The following CNGB3 variants were observed in gnomAD, a reference collection of about 807,000 sequenced individuals.
CNGB3 encodes cyclic nucleotide-gated channel beta-3.
In CNGB3, 86 loss-of-function variants were observed where a neutral mutation model predicts 92.8. The ratio of observed to expected loss-of-function variants is 0.93; its 90% CI spans 0.78 to 1.11. The LOEUF (loss-of-function observed/expected upper bound fraction) is 1.11, where lower values mean the gene tolerates loss of function less well. CNGB3 is among the 50% of genes least tolerant of loss of function. CNGB3 has a pLI of 0.00. For synonymous variants in CNGB3, 333 were observed against 332.7 expected (o/e 1.00, Z -0.01); for missense variants, 1,026 against 956.8 (o/e 1.07, Z -0.95).
chr8:86,623,787 T>G (rs1822789457), intron 13 of CNGB3, among the ~76,000 whole-genome samples: 1 of 152,248 alleles, frequency 6.6e-6, no homozygotes, highest in South Asian at 2.1e-4. Flanking sequence ...TTTGTTCTTC[T>G]TGTTCCTCAG....
intron 3 of CNGB3, 145 bp from the exon 4 acceptor site, chr8:86,671,243 G>C (rs28407382): frequency 1.5e-5 from 13 of 853,900 alleles, no homozygotes; most frequent in Non-Finnish European, 2.3e-5. Context: ...CAAACATTAG[G>C]TTTAATGGAA....
At chr8:86,676,933 C>T (rs907807953) in intron 3 of CNGB3, among the ~76,000 whole-genome samples, 1 of 152,142 alleles carries the variant, frequency 6.6e-6, no homozygotes, top group Admixed American at 6.6e-5. Flanking sequence ...TAATTTATGT[C>T]TGCCGAGTCT....
At chr8:86,637,487 T>C (rs1395922440) in intron 10 of CNGB3, among the ~76,000 whole-genome samples, 3 of 149,582 alleles carry the variant, frequency 2.0e-5, no homozygotes, top group Non-Finnish European at 4.4e-5. Context: ...TTTCTGTTCC[T>C]GTAAAAAAAT....
intron 15 of CNGB3, among the ~76,000 whole-genome samples, chr8:86,596,628 G>A (rs1173911856): frequency 6.6e-6 from 1 of 152,232 alleles, no homozygotes; most frequent in East Asian, 1.9e-4. Flanking sequence ...GCTGGGGATA[G>A]AGTATAGAAC....
At position 86,628,172 on chromosome 8, in the gene CNGB3, T is replaced by C. The variant is rs114272227; in HGVS notation, c.1480+747A>G. On this transcript the variant is annotated intron_variant, in intron 12 of 17. Transcript: ENST00000320005. The stretch of plus-strand genomic sequence containing the variant: ...GAGTCAAAAGTTATATGTGGATTTC[T>C]TTCTGTTATTTTGAGACAGAATCTG... Among the ~76,000 whole-genome samples, 493 of 152,292 alleles carry C rather than the reference T, an allele frequency of 3.2e-3. 1 individual carries two copies. Among genetic ancestry groups the C allele is most frequent in the African/African-American group, 0.011 (461 of 41,556 alleles).
At chr8:86,727,751 T>C (rs1416209706) in intron 2 of CNGB3, among the ~76,000 whole-genome samples, 6 of 152,168 alleles carry the variant, frequency 3.9e-5, no homozygotes, top group Non-Finnish European at 8.8e-5. Context: ...ACATTTTTAA[T>C]TGGATGTCTT....
chr8:86,588,617 T>A (rs1821947059), intron 15 of CNGB3, among the ~76,000 whole-genome samples: 1 of 151,068 alleles, frequency 6.6e-6, no homozygotes, highest in African/African-American at 2.5e-5. Flanking sequence ...TGTCTTTGGC[T>A]CTGTTTATAT....
At chr8:86,693,540 A>G (rs1824363379) in intron 3 of CNGB3, among the ~76,000 whole-genome samples, 1 of 150,106 alleles carries the variant, frequency 6.7e-6, no homozygotes, top group African/African-American at 2.4e-5. Flanking sequence ...GAAGGTCAGC[A>G]GATAAACAAG....
At chr8:86,598,394 T>C (rs1332470122) in intron 15 of CNGB3, among the ~76,000 whole-genome samples, 1 of 152,198 alleles carries the variant, frequency 6.6e-6, no homozygotes, top group Non-Finnish European at 1.5e-5. Context: ...AGGCGGAGTG[T>C]CCATGTAGGG....
chr8:86,615,660 A>T (rs1822605864), intron 13 of CNGB3, among the ~76,000 whole-genome samples: 1 of 152,090 alleles, frequency 6.6e-6, no homozygotes, highest in South Asian at 2.1e-4. Context: ...AACTATATAT[A>T]TTTAAATATA....
intron 3 of CNGB3, among the ~76,000 whole-genome samples, chr8:86,675,902 A>T: frequency 6.6e-6 from 1 of 152,236 alleles, no homozygotes; most frequent in Non-Finnish European, 1.5e-5. Flanking sequence ...ATTAACAATT[A>T]GGATTACAGA....
intron 12 of CNGB3, among the ~76,000 whole-genome samples, chr8:86,627,294 G>T (rs1010797331): frequency 1.3e-5 from 2 of 152,206 alleles, no homozygotes; most frequent in South Asian, 4.1e-4. Flanking sequence ...GCTAAGGGGT[G>T]CGAGGCAAGA....
intron 14 of CNGB3, among the ~76,000 whole-genome samples, chr8:86,606,231 A>G (rs1411251944): frequency 6.8e-6 from 1 of 146,870 alleles, no homozygotes. Context: ...GCTCACTGCA[A>G]CCTCTGCTTC....
intron 3 of CNGB3, among the ~76,000 whole-genome samples, chr8:86,672,851 G>C (rs1563749771): frequency 6.6e-6 from 1 of 152,148 alleles, no homozygotes; most frequent in East Asian, 1.9e-4. Flanking sequence ...TCAGAATCAA[G>C]ATCTCCAAGT....
At chr8:86,610,034 C>T (rs1296491949) in intron 14 of CNGB3, among the ~76,000 whole-genome samples, 2 of 152,110 alleles carry the variant, frequency 1.3e-5, no homozygotes, top group African/African-American at 2.4e-5. Flanking sequence ...CTTAATTTCA[C>T]TTGTTTATAG....
intron 6 of CNGB3, chr8:86,658,355 T>C: frequency 2.2e-6 from 1 of 453,860 alleles, no homozygotes; most frequent in Non-Finnish European, 4.1e-6. Flanking sequence ...CACTGTCCAG[T>C]CCATCTCCTT....
In CNGB3 at chr8:86,586,338, A is replaced by T. The variant is rs200922221; in HGVS notation, c.1782-7086T>A. Among the ~76,000 whole-genome samples, 6 of 102,342 alleles carry T rather than the reference A, an allele frequency of 5.9e-5. No homozygotes were observed. In the East Asian group the frequency reaches 1.0e-3, roughly 18 times the overall value. 67.1% of individuals were successfully genotyped at this position (102,342 alleles called of 152,430 possible). Reference sequence around the variant, plus strand: ...ATTAATAGATAATATTTTTTTTTAAATTTTTTTTTAATTATACTTTAAGTT... The same window carrying T: ...ATTAATAGATAATATTTTTTTTTAATTTTTTTTTTAATTATACTTTAAGTT... On this transcript the variant is annotated intron_variant, in intron 15 of 17. Coordinates refer to ENST00000320005, the MANE Select transcript of CNGB3 (RefSeq NM_019098.5).
intron 13 of CNGB3, among the ~76,000 whole-genome samples, chr8:86,612,881 G>A (rs182828329): frequency 1.1e-3 from 166 of 152,330 alleles, no homozygotes; most frequent in Non-Finnish European, 2.0e-3. Context: ...GGCTTTGTAT[G>A]ATAACCTTGG....
intron 5 of CNGB3, 150 bp downstream of exon 5, chr8:86,667,869 T>A (rs2131615838): frequency 4.5e-6 from 4 of 895,010 alleles, no homozygotes; most frequent in Non-Finnish European, 7.3e-6. Context: ...GGGCAAATGA[T>A]CCTTTGCAGG....
Sources: gnomAD v4.1 joint callset for allele counts (sites outside exome capture counted in the v4.1 genomes callset) on GRCh38, gnomAD v4.1.1 for gene constraint, MANE v1.5 for transcripts, NCBI Gene and HGNC (gene_info 2026-07-23, HGNC 2026-07-21) for gene names.